USP15: variants seen among roughly 807,000 people sequenced by gnomAD.
USP15 encodes ubiquitin specific peptidase 15, also known as ubiquitin carboxyl-terminal hydrolase 15.
In USP15, 18 loss-of-function variants were observed where a neutral mutation model predicts 127.1. The ratio of observed to expected loss-of-function variants is 0.14; its 90% CI spans 0.10 to 0.21. USP15 has a LOEUF of 0.21. Among genes scored for constraint, USP15 ranks in the 10% least tolerant of loss-of-function variants. The pLI is 1.00. For missense variants in USP15, 805 were observed against 1,159.9 expected (o/e 0.69, Z 4.44); for synonymous variants, 364 against 393.7 (o/e 0.92, Z 0.89).
At chr12:62,280,226 T>TGAG in intron 1 of USP15, among the ~76,000 whole-genome samples, 1 of 152,124 alleles carries the variant, frequency 6.6e-6, no homozygotes, top group Admixed American at 6.6e-5. Context: ...GGCTTAGTAA[T>TGAG]GAGGAAACTG....
At chr12:62,349,134 A>G (rs2065899986) in intron 6 of USP15, 87 bp from the exon 7 acceptor site, 1 of 795,696 alleles carries the variant, frequency 1.3e-6, no homozygotes, top group Non-Finnish European at 1.8e-6. Context: ...CATTTACTAC[A>G]AACATTGTCA....
At chr12:62,331,364 A>G (rs2065294655) in intron 6 of USP15, among the ~76,000 whole-genome samples, 1 of 152,186 alleles carries the variant, frequency 6.6e-6, no homozygotes, top group African/African-American at 2.4e-5. Flanking sequence ...GGTCACACCA[A>G]TGCTGTTGGT....
At position 62,409,817 on chromosome 12, in the gene USP15, C is replaced by A. The variant is rs2067994178; in HGVS notation, c.*5442C>A. 1 of 151,912 alleles carries A rather than the reference C, an allele frequency of 6.6e-6. No homozygotes were observed. The highest frequency in any genetic ancestry group is 2.4e-5 in the African/African-American group (1 of 41,260). The allele number at this position is 151,912 out of a possible 1,614,324, so 9.4% of individuals were successfully genotyped here. A position where few individuals can be genotyped will look rare whatever the true frequency, so the allele number is the denominator to read the frequency against. ...TTGTTTTAAACCTTAAACATCACCA[C>A]ATTTCTAATTTTTATTTAAAATCTT... On this transcript the variant is annotated 3_prime_UTR_variant, in exon 22 of 22. Transcript: ENST00000280377.
chr12:62,377,138 ACAT>A lies in USP15; in HGVS notation c.916-4349_916-4347del, dbSNP rs557389582. Among the ~76,000 whole-genome samples, 61 of 152,328 alleles carry A rather than the reference ACAT, an allele frequency of 4.0e-4. 1 individual carries two copies. Among genetic ancestry groups the A allele is most frequent in the South Asian group, 1.7e-3 (8 of 4,820 alleles). On this transcript the variant is annotated intron_variant, in intron 8 of 21. Transcript: ENST00000280377. ...TAAAGGAATTCAATGTATAATAATC[ACAT>A]CAGGGTAAATTAGGTATCCATCACT...
rs563099636 is a variant in USP15 at position 62,407,394 on chromosome 12, T to G, written c.*3019T>G. ...TTGAGAGCTCAAATGAGATCATGTA[T>G]TTTATGGGAAGAGCTTTGTAAACTT... On this transcript the variant is annotated 3_prime_UTR_variant, in exon 22 of 22. Transcript: ENST00000280377. The G allele has an allele frequency of 6.6e-6, 1 of 152,292 alleles. No homozygotes were observed. Among genetic ancestry groups the G allele is most frequent in the South Asian group, 2.1e-4 (1 of 4,830 alleles). 9.4% of individuals were successfully genotyped at this position (152,292 alleles called of 1,614,324 possible). A position where few individuals can be genotyped will look rare whatever the true frequency, so the allele number is the denominator to read the frequency against.
At chr12:62,388,117 A>ATTTTTTTTTTTTTTTT (rs58192089) in intron 11 of USP15, among the ~76,000 whole-genome samples, 1 of 106,586 alleles carries the variant, frequency 9.4e-6, no homozygotes, top group African/African-American at 3.6e-5. Flanking sequence ...AATGGTGAAG[A>ATTTTTTTTTTTTTTTT]TTTTTTTTTT....
chr12:62,396,250 A>G (rs1360394512), intron 19 of USP15, 45 bp from the exon 20 acceptor site: 12 of 1,488,704 alleles, frequency 8.1e-6, no homozygotes, highest in African/African-American at 5.6e-5. Context: ...AATTCATTGC[A>G]TTTAGGGACA....
intron 1 of USP15, among the ~76,000 whole-genome samples, chr12:62,290,068 A>G (rs1191475906): frequency 1.3e-5 from 2 of 152,162 alleles, no homozygotes; most frequent in Non-Finnish European, 2.9e-5. Flanking sequence ...ATGCATGATG[A>G]AAAAGAATGT....
rs1313696990 is a variant in USP15 at position 62,408,513 on chromosome 12, GA to G, written c.*4139del. The G allele has an allele frequency of 6.6e-6, 1 of 152,100 alleles. No individual in the cohort carries two copies. The highest frequency in any genetic ancestry group is 2.4e-5 in the African/African-American group (1 of 41,430). The allele number at this position is 152,100 out of a possible 1,614,324, so 9.4% of individuals were successfully genotyped here. On this transcript the variant is annotated 3_prime_UTR_variant, in exon 22 of 22. Coordinates refer to ENST00000280377, the MANE Select transcript of USP15 (RefSeq NM_001252078.2). ...GCTCCTTTCTAGGGCCATAGAATAA[GA>G]GTAGAAGTTTTTGCTCATTTTTTTT...
intron 1 of USP15, among the ~76,000 whole-genome samples, chr12:62,262,904 C>T (rs576610025): frequency 3.9e-5 from 6 of 152,210 alleles, no homozygotes; most frequent in African/African-American, 1.4e-4. Flanking sequence ...TTTATCCTCA[C>T]GTTAATTTTC....
intron 9 of USP15, 46 bp downstream of exon 9, chr12:62,381,709 A>G: frequency 6.4e-7 from 1 of 1,571,092 alleles, no homozygotes; most frequent in Non-Finnish European, 8.7e-7. Context: ...GCAAGGGTAC[A>G]AAAGTTGGTT....
Position 62,402,530 on chromosome 12 carries a change from G to A in USP15, c.2763+1255G>A, listed in dbSNP as rs1038973448. Among the ~76,000 whole-genome samples the A allele has an allele frequency of 2.0e-5, 3 of 151,950 alleles. 1 individual carries two copies. The highest frequency in any genetic ancestry group is 2.0e-4 in the Admixed American group (3 of 15,228). On this transcript the variant is annotated intron_variant, in intron 21 of 21. Coordinates refer to ENST00000280377, the MANE Select transcript of USP15 (RefSeq NM_001252078.2). ...TGACCTGAGTCTAGTAAAAATAAGA[G>A]TAAATTAAACAAAAGGTGTTCTAAG...
intron 11 of USP15, among the ~76,000 whole-genome samples, chr12:62,385,009 ACTT>A (rs1023061726): frequency 7.9e-5 from 12 of 151,812 alleles, no homozygotes; most frequent in African/African-American, 2.2e-4. Context: ...AGTGAAAGTA[ACTT>A]CTTCTTTTTC....
rs975109097 is a variant in USP15, at chr12:62,341,435, T to G, written c.684-7786T>G. On this transcript the variant is annotated intron_variant, in intron 6 of 21. Transcript: ENST00000280377. ...ATCCAGTCATCATGATGCTAGCTGG[T>G]TTTTTTGCACATTAGTTGATGCAGT... Among the ~76,000 whole-genome samples the G allele has an allele frequency of 2.8e-4, 42 of 152,262 alleles. 2 individuals are homozygous for G. The highest frequency in any genetic ancestry group is 2.4e-3 in the Admixed American group (36 of 15,286).
intron 6 of USP15, among the ~76,000 whole-genome samples, chr12:62,329,892 C>T (rs112484334): frequency 0.041 from 6,193 of 152,218 alleles, 170 homozygotes; most frequent in African/African-American, 0.057. Context: ...AGTGTTTAAT[C>T]CCTCTGACCC....
chr12:62,309,961 T>G (rs1229137009), intron 3 of USP15, among the ~76,000 whole-genome samples: 1 of 151,900 alleles, frequency 6.6e-6, no homozygotes, highest in African/African-American at 2.4e-5. Context: ...TTAGCCAGTA[T>G]GGTAATATAG....
In USP15 at chr12:62,260,447, C is replaced by T. The variant is rs1474395369; in HGVS notation, c.33C>T (p.Thr11=). The T allele has an allele frequency of 1.9e-6, 3 of 1,551,922 alleles. No individual in the cohort carries two copies. The highest frequency in any genetic ancestry group is 1.4e-5 in the African/African-American group (1 of 73,086). ...AAGGCGGAGCGGCGGATCTGGACAC[C>T]CAGCGGTCTGACATCGCGACGCTGC... MAEGGAADLD[T]QRSDIATLLK... Residue 11 remains threonine (T), a synonymous_variant, in exon 1 of 22, where the codon ACC becomes ACT. Coordinates refer to ENST00000280377, the MANE Select transcript of USP15 (RefSeq NM_001252078.2).
At chr12:62,332,683 C>T (rs1029299809) in intron 6 of USP15, among the ~76,000 whole-genome samples, 1 of 152,060 alleles carries the variant, frequency 6.6e-6, no homozygotes, top group Non-Finnish European at 1.5e-5. Flanking sequence ...GACTGGAAAA[C>T]ATCCAGAGAA....
At chr12:62,377,414 G>C (rs1435778142) in intron 8 of USP15, among the ~76,000 whole-genome samples, 1 of 152,104 alleles carries the variant, frequency 6.6e-6, no homozygotes, top group Non-Finnish European at 1.5e-5. Context: ...ACTACATTAT[G>C]ACCAACTTTA....
Sources: gnomAD v4.1 joint callset for allele counts (sites outside exome capture counted in the v4.1 genomes callset) on GRCh38, gnomAD v4.1.1 for gene constraint, MANE v1.5 for transcripts, NCBI Gene and HGNC (gene_info 2026-07-23, HGNC 2026-07-21) for gene names.